ADGRB3: variants seen among roughly 807,000 people sequenced by gnomAD.
The protein encoded by ADGRB3 is brain-specific angiogenesis inhibitor 3.
Under a neutral mutation model 193.4 loss-of-function variants are expected in ADGRB3, and 37 were observed. The observed-to-expected ratio is 0.19, with a 90% confidence interval of 0.15 to 0.25. The LOEUF is 0.25. ADGRB3 is among the 10% of genes least tolerant of loss of function. The pLI is 1.00. For synonymous variants in ADGRB3, 690 were observed against 644.2 expected, an observed-to-expected ratio of 1.07 and a Z score of -1.08; for missense variants, 1,637 against 1,852.9, an observed-to-expected ratio of 0.88 and a Z score of 2.14.
chr6:69,058,240 G>A (rs1338311189), intron 15 of ADGRB3, among the ~76,000 whole-genome samples: 1 of 151,468 alleles, frequency 6.6e-6, no homozygotes, highest in Non-Finnish European at 1.5e-5. Flanking sequence ...ATTGTTCATA[G>A]CTGTCTCTTA....
At chr6:68,857,566 T>C (rs912270145) in intron 3 of ADGRB3, among the ~76,000 whole-genome samples, 1 of 152,234 alleles carries the variant, frequency 6.6e-6, no homozygotes, top group Non-Finnish European at 1.5e-5. Flanking sequence ...TTGGAATGGC[T>C]GCATTTAGGC....
intron 20 of ADGRB3, among the ~76,000 whole-genome samples, chr6:69,262,511 A>T (rs937534159): frequency 6.0e-4 from 91 of 151,946 alleles, no homozygotes; most frequent in African/African-American, 2.2e-3. Context: ...CAATTCTCCT[A>T]TGTTTTCAAA....
intron 3 of ADGRB3, among the ~76,000 whole-genome samples, chr6:68,661,511 G>GTGTGTATATATA (rs1768647826): frequency 6.2e-5 from 4 of 64,328 alleles, no homozygotes; most frequent in African/African-American, 3.1e-4. Context: ...ACATATATAT[G>GTGTGTATATATA]TGTGTATACA....
At chr6:68,995,607 A>T (rs555320006) in intron 11 of ADGRB3, among the ~76,000 whole-genome samples, 193 of 152,318 alleles carry the variant, frequency 1.3e-3, no homozygotes, top group Non-Finnish European at 1.8e-3. Context: ...TCTAGTCAGA[A>T]ATAGGTTTCT....
chr6:68,666,148 C>A (rs1326450977), intron 3 of ADGRB3, among the ~76,000 whole-genome samples: 2 of 151,752 alleles, frequency 1.3e-5, no homozygotes, highest in Non-Finnish European at 2.9e-5. Context: ...AACTAGCAGA[C>A]CTGAGTCTAC....
At chr6:68,950,176 C>G (rs889368680) in intron 6 of ADGRB3, among the ~76,000 whole-genome samples, 1 of 152,084 alleles carries the variant, frequency 6.6e-6, no homozygotes, top group Admixed American at 6.6e-5. Flanking sequence ...ACCTCAGCCT[C>G]TTGAGTAGCT....
intron 26 of ADGRB3, among the ~76,000 whole-genome samples, chr6:69,353,199 T>C (rs1019312097): frequency 6.6e-6 from 1 of 152,246 alleles, no homozygotes; most frequent in Non-Finnish European, 1.5e-5. Flanking sequence ...CTATTCATGT[T>C]CCTTGACTTG....
At chr6:68,982,140 T>A (rs1008412032) in intron 10 of ADGRB3, among the ~76,000 whole-genome samples, 9 of 152,080 alleles carry the variant, frequency 5.9e-5, no homozygotes, top group Non-Finnish European at 1.2e-4. Context: ...TGCCTCAGCC[T>A]CCCAAAGTAC....
intron 3 of ADGRB3, among the ~76,000 whole-genome samples, chr6:68,710,573 C>A (rs1160890403): frequency 1.3e-5 from 2 of 152,146 alleles, no homozygotes; most frequent in African/African-American, 4.8e-5. Flanking sequence ...TAGTTTAAGA[C>A]AGACCCTTCT....
In ADGRB3 at chr6:69,110,627, T is replaced by C. The variant is rs1379917542; in HGVS notation, c.2480+34589T>C. Reference sequence around the variant, plus strand: ...ATCTTTTTCCTTTTTCTGATTAAAGTACTAGAAGATAAGAAGTTATTTTAA... The same window carrying C: ...ATCTTTTTCCTTTTTCTGATTAAAGCACTAGAAGATAAGAAGTTATTTTAA... On this transcript the variant is annotated intron_variant, in intron 17 of 31. Transcript: ENST00000370598. Among the ~76,000 whole-genome samples, 4 of 152,328 alleles carry C rather than the reference T, an allele frequency of 2.6e-5. No individual in the cohort carries two copies. The South Asian group carries it at 8.3e-4, about 32-fold the overall frequency.
At chr6:68,892,560 T>A (rs1766107976) in intron 3 of ADGRB3, among the ~76,000 whole-genome samples, 1 of 152,182 alleles carries the variant, frequency 6.6e-6, no homozygotes, top group Non-Finnish European at 1.5e-5. Context: ...ATTTATTTAT[T>A]TTCCTTGGCC....
chr6:68,925,249 A>T (rs1767148383), intron 3 of ADGRB3, among the ~76,000 whole-genome samples: 2 of 152,012 alleles, frequency 1.3e-5, no homozygotes, highest in Non-Finnish European at 1.5e-5. Context: ...AATTAGAAAG[A>T]TACCAAAATC....
chr6:69,190,519 AAG>A (rs1350810197), intron 17 of ADGRB3, among the ~76,000 whole-genome samples: 1 of 152,132 alleles, frequency 6.6e-6, no homozygotes, highest in African/African-American at 2.4e-5. Context: ...AAATATTAAA[AAG>A]TTTGTAAAGT....
intron 8 of ADGRB3, among the ~76,000 whole-genome samples, chr6:68,959,377 A>G (rs1383956926): frequency 6.6e-6 from 1 of 152,132 alleles, no homozygotes; most frequent in East Asian, 1.9e-4. Context: ...TTTTTTAAAC[A>G]ATATGCTTTT....
chr6:69,025,939 C>T (rs1582402904), intron 13 of ADGRB3, among the ~76,000 whole-genome samples: 1 of 152,138 alleles, frequency 6.6e-6, no homozygotes, highest in East Asian at 1.9e-4. Flanking sequence ...GACAAACTGC[C>T]CAGGTGTGTA....
intron 3 of ADGRB3, among the ~76,000 whole-genome samples, chr6:68,901,871 T>G (rs1051131845): frequency 6.6e-6 from 1 of 152,128 alleles, no homozygotes; most frequent in Middle Eastern, 3.2e-3. Context: ...TAGTTAAGAT[T>G]TGTTTTTTTC....
At chr6:68,976,167 C>G (rs1201335259) in intron 10 of ADGRB3, among the ~76,000 whole-genome samples, 2 of 152,066 alleles carry the variant, frequency 1.3e-5, no homozygotes, top group African/African-American at 4.8e-5. Context: ...TACTGTCACT[C>G]AAAAATATAC....
chr6:68,906,380 AT>A (rs1766549735), intron 3 of ADGRB3, among the ~76,000 whole-genome samples: 1 of 151,862 alleles, frequency 6.6e-6, no homozygotes, highest in Non-Finnish European at 1.5e-5. Flanking sequence ...TACCATATAT[AT>A]TGTTGCTTGT....
intron 20 of ADGRB3, among the ~76,000 whole-genome samples, chr6:69,248,886 G>A (rs1409166675): frequency 5.3e-5 from 8 of 152,192 alleles, no homozygotes; most frequent in African/African-American, 1.9e-4. Context: ...AGCCTGTGTA[G>A]CCTGCAGAAC....
Sources: gnomAD v4.1 joint callset for allele counts (sites outside exome capture counted in the v4.1 genomes callset) on GRCh38, gnomAD v4.1.1 for gene constraint, MANE v1.5 for transcripts, NCBI Gene and HGNC (gene_info 2026-07-23, HGNC 2026-07-21) for gene names.